Variants in DMBT1 observed in about 807,000 individuals in gnomAD.
The protein encoded by DMBT1 is deleted in malignant brain tumors 1, also known as scavenger receptor cysteine-rich domain-containing protein DMBT1.
In DMBT1, 198 loss-of-function variants were observed where a neutral mutation model predicts 252.9. That is an observed-to-expected ratio of 0.78 (90% confidence interval 0.70 to 0.88). The LOEUF is 0.88. Among genes scored for constraint, DMBT1 ranks in the 40% least tolerant of loss-of-function variants. The pLI is 0.00. For missense variants in DMBT1, 2,432 were observed against 2,404.7 expected (o/e 1.01, Z -0.24); for synonymous variants, 990 against 942.7 (o/e 1.05, Z -0.92).
intron 19 of DMBT1, among the ~76,000 whole-genome samples, chr10:122,592,054 G>T (rs2097853520): frequency 6.7e-6 from 1 of 148,516 alleles, no homozygotes; most frequent in African/African-American, 2.4e-5. Flanking sequence ...GGGGTCACAG[G>T]CGCTTTCCCA....
At chr10:122,619,107 G>A (rs892412776) in intron 41 of DMBT1, among the ~76,000 whole-genome samples, 1 of 152,198 alleles carries the variant, frequency 6.6e-6, no homozygotes, top group Middle Eastern at 3.2e-3. Context: ...TCACCTCGGA[G>A]CTGACAATAG....
chr10:122,570,836 C>A, intron 3 of DMBT1, 54 bp from the exon 4 acceptor site: 1 of 1,593,334 alleles, frequency 6.3e-7, no homozygotes, highest in Non-Finnish European at 8.6e-7. Context: ...CATGGACCAA[C>A]CCTCCCCAAA....
Position 122,597,944 on chromosome 10 carries a change from T to G in DMBT1, c.2918-30T>G, listed in dbSNP as rs370265082. The stretch of plus-strand genomic sequence containing the variant: ...TGGAGATTTTCACCATCAACTTTAA[T>G]TCTAGCCTTTGTCTCTGTTGCAATT... On this transcript the variant is annotated intron_variant, in intron 24 of 55. Coordinates refer to ENST00000338354, the MANE Select transcript of DMBT1 (RefSeq NM_001377530.1). 2.5e-6 allele frequency: 4 copies of G among 1,613,724 alleles called. No individual in the cohort carries two copies. The African/African-American group carries it at 5.3e-5, about 22-fold the overall frequency.
intron 6 of DMBT1, among the ~76,000 whole-genome samples, chr10:122,574,909 A>G (rs1053066049): frequency 5.9e-5 from 9 of 152,148 alleles, no homozygotes; most frequent in African/African-American, 2.2e-4. Context: ...TTTCTTCTAG[A>G]TCTGGAGACC....
intron 18 of DMBT1, among the ~76,000 whole-genome samples, chr10:122,591,123 C>T (rs1258785088): frequency 6.7e-6 from 1 of 148,698 alleles, no homozygotes; most frequent in Non-Finnish European, 1.5e-5. Context: ...TTTATACTCC[C>T]TTAGGCAGCT....
At chr10:122,573,936 C>T (rs975629166) in intron 6 of DMBT1, among the ~76,000 whole-genome samples, 174 bp downstream of exon 6, 2 of 152,162 alleles carry the variant, frequency 1.3e-5, no homozygotes, top group Non-Finnish European at 2.9e-5. Flanking sequence ...TCGATCATGT[C>T]TGAGACTGAG....
intron 4 of DMBT1, among the ~76,000 whole-genome samples, chr10:122,572,052 T>G (rs1176802009): frequency 6.6e-6 from 1 of 152,224 alleles, no homozygotes; most frequent in Non-Finnish European, 1.5e-5. Context: ...GTGAATAGAC[T>G]GTGTGACTTG....
rs1423425673 is a variant in DMBT1, at chr10:122,586,353, C to T, written c.1753C>T (p.His585Tyr). Reference protein sequence around the residue: ...HNGWLSHNCGHSEDAGVICSG... With the variant: ...HNGWLSHNCGYSEDAGVICSG... ...TGGCTGGCTCTCCCATAACTGTGGC[C>T]ATAGTGAAGACGCTGGTGTCATCTG... Residue 585 changes from histidine (H) to tyrosine (Y), a missense_variant, in exon 16 of 56, where the codon CAT (histidine) becomes TAT (tyrosine). Transcript: ENST00000338354. The T allele has an allele frequency of 3.1e-6, 5 of 1,588,520 alleles. 1 individual carries two copies. The East Asian group carries it at 1.2e-4, about 37-fold the overall frequency.
Position 122,597,993 on chromosome 10 carries a change from C to T in DMBT1, c.2937C>T (p.Thr979=). 6.2e-7 allele frequency: 1 copy of T among 1,613,946 alleles called. No homozygotes were observed. ...TPSPDTLPTI[T]LPASTVGSES... ...TTACAGACACATTGCCGACCATCAC[C>T]TTGCCTGCATCGACAGTAGGTAAAT... The change falls in exon 25 of 56, where the codon ACC becomes ACT. Residue 979 remains threonine (T), a synonymous_variant. Transcript: ENST00000338354.
rs372938086 is a variant in DMBT1, at chr10:122,597,160, G to T, written c.2917+106G>T. 5.8e-5 allele frequency: 17 copies of T among 293,258 alleles called. No individual in the cohort carries two copies. The East Asian group carries it at 1.1e-3, about 19-fold the overall frequency. The allele number at this position is 293,258 out of a possible 1,614,324, so 18.2% of individuals were successfully genotyped here. ...TTCTTCTCTGAGTGAATACTACATGGCATACAATTTTCCCCTGCTCTGTAA... is the reference window on the plus strand; with the variant it reads ...TTCTTCTCTGAGTGAATACTACATGTCATACAATTTTCCCCTGCTCTGTAA... On this transcript the variant is annotated intron_variant, in intron 24 of 55. Coordinates refer to ENST00000338354, the MANE Select transcript of DMBT1 (RefSeq NM_001377530.1).
At chr10:122,593,479 C>T (rs2097868963) in intron 20 of DMBT1, 90 bp from the exon 21 acceptor site, 9 of 1,370,724 alleles carry the variant, frequency 6.6e-6, no homozygotes, top group Non-Finnish European at 7.2e-6. Flanking sequence ...GACTGAGTGT[C>T]AGACTCGCTC....
chr10:122,621,992 C>T (rs189596099), intron 44 of DMBT1, among the ~76,000 whole-genome samples: 18 of 152,268 alleles, frequency 1.2e-4, no homozygotes, highest in South Asian at 6.2e-4. Flanking sequence ...CTTGTTATTA[C>T]GTGTGGTTTG....
At chr10:122,580,211 G>A (rs563999532) in intron 10 of DMBT1, among the ~76,000 whole-genome samples, 1 of 152,204 alleles carries the variant, frequency 6.6e-6, no homozygotes, top group African/African-American at 2.4e-5. Flanking sequence ...CGGTGTGAGG[G>A]TATAATGGAT....
chr10:122,600,720 C>T (rs1165607095), intron 27 of DMBT1, among the ~76,000 whole-genome samples: 2 of 152,144 alleles, frequency 1.3e-5, no homozygotes, highest in Admixed American at 6.5e-5. Flanking sequence ...CATGCATCAG[C>T]AGATGTGGGA....
intron 53 of DMBT1, among the ~76,000 whole-genome samples, chr10:122,636,599 C>A (rs927274318): frequency 6.6e-6 from 1 of 152,174 alleles, no homozygotes; most frequent in East Asian, 1.9e-4. Flanking sequence ...TGAAGATGGA[C>A]TGAGCTGGGT....
intron 42 of DMBT1, among the ~76,000 whole-genome samples, chr10:122,619,839 C>T (rs536475456): frequency 8.5e-5 from 13 of 152,316 alleles, no homozygotes; most frequent in South Asian, 2.1e-4. Flanking sequence ...AGGCCATGCT[C>T]GGGCAGGGAG....
Position 122,576,660 on chromosome 10 carries a change from C to T in DMBT1, c.545C>T (p.Pro182Leu), listed in dbSNP as rs769369660. The T allele has an allele frequency of 4.3e-6, 7 of 1,613,642 alleles. No individual in the cohort carries two copies. The highest frequency in any genetic ancestry group is 5.1e-6 in the Non-Finnish European group (6 of 1,179,734). Residue 182 changes from proline to leucine, a missense_variant, in exon 7 of 56, where the codon CCC becomes CTC. Physicochemically the swap from Pro to Leu is moderately conservative, Grantham distance 98. This residue lies in a region of DMBT1 where 1,264 missense variants were observed against 1,082.2 expected (regional missense o/e 1.17). Coordinates refer to ENST00000338354, the MANE Select transcript of DMBT1 (RefSeq NM_001377530.1). ...SGHESYLWSC[P>L]HNGWLSHNCG... is the part of the protein sequence containing the mutation. ...CACGAATCCTACCTGTGGAGCTGCC[C>T]CCACAATGGCTGGCTCTCCCATAAC...
chr10:122,564,604 T>C (rs1245912806), intron 1 of DMBT1, among the ~76,000 whole-genome samples: 1 of 149,116 alleles, frequency 6.7e-6, no homozygotes, highest in East Asian at 2.0e-4. Flanking sequence ...ATAAACATCA[T>C]AAAAGACAAA....
At chr10:122,589,916 TC>T (rs2097833331) in intron 17 of DMBT1, among the ~76,000 whole-genome samples, 1 of 148,508 alleles carries the variant, frequency 6.7e-6, no homozygotes, top group Non-Finnish European at 1.5e-5. Context: ...GGGGATCCAA[TC>T]CCAACATGAG....
Sources: allele counts gnomAD v4.1 joint callset (sites outside exome capture counted in the v4.1 genomes callset), GRCh38; gene constraint gnomAD v4.1.1; regional missense constraint gnomAD v4.1.1; transcripts MANE v1.5; gene names NCBI Gene and HGNC (gene_info 2026-07-23, HGNC 2026-07-21).